PCOLCE2: variants seen among roughly 807,000 people sequenced by gnomAD.
The protein encoded by PCOLCE2 is procollagen C-proteinase enhancer 2.
Under a neutral mutation model 47.0 loss-of-function variants are expected in PCOLCE2, and 42 were observed. The observed-to-expected ratio is 0.89, with a 90% CI of 0.70 to 1.16. The LOEUF (loss-of-function observed/expected upper bound fraction) is 1.16. Ranked by LOEUF, PCOLCE2 falls within the 50% of genes most tolerant of loss-of-function variation. PCOLCE2 has a pLI of 0.00. For synonymous variants in PCOLCE2, 169 were observed against 191.7 expected (o/e 0.88, Z 0.98); for missense variants, 500 against 526.1 (o/e 0.95, Z 0.49).
At chr3:142,885,057 T>A (rs1933693268) in intron 2 of PCOLCE2, among the ~76,000 whole-genome samples, 1 of 152,214 alleles carries the variant, frequency 6.6e-6, no homozygotes, top group Admixed American at 6.5e-5. Flanking sequence ...AGGACACATC[T>A]AAATTTCCAA....
rs373518347 is a variant in PCOLCE2, at chr3:142,859,627, G to A, written c.193-11155C>T. Among the ~76,000 whole-genome samples, 11 of 151,406 alleles carry A rather than the reference G, an allele frequency of 7.3e-5. 1 individual carries two copies. The East Asian group carries it at 1.4e-3, about 19-fold the overall frequency. ...AGGCTGGAGTGTGGAGTACAGTGGC[G>A]TGATATCGGCTCACTGCAACCTCTG... On this transcript the variant is annotated intron_variant, in intron 2 of 8. Coordinates refer to ENST00000295992, the MANE Select transcript of PCOLCE2 (RefSeq NM_013363.4).
At chr3:142,864,114 G>A (rs1418608728) in intron 2 of PCOLCE2, 1 of 152,218 alleles carries the variant, frequency 6.6e-6, no homozygotes, top group Non-Finnish European at 1.5e-5. Flanking sequence ...TGGCTTGAAA[G>A]TTATAGCAGG....
intron 7 of PCOLCE2, among the ~76,000 whole-genome samples, chr3:142,821,573 T>A (rs1272899956): frequency 6.6e-6 from 1 of 152,182 alleles, no homozygotes; most frequent in Non-Finnish European, 1.5e-5. Context: ...CCCTGGGTCC[T>A]CACCTCTGTC....
At chr3:142,851,546 A>G (rs1932943997) in intron 2 of PCOLCE2, among the ~76,000 whole-genome samples, 1 of 152,218 alleles carries the variant, frequency 6.6e-6, no homozygotes, top group Non-Finnish European at 1.5e-5. Context: ...TGAGGACAGT[A>G]ACAACCAAGA....
At chr3:142,838,673 C>T (rs1427152991) in intron 5 of PCOLCE2, 97 bp downstream of exon 5, 2 of 1,102,386 alleles carry the variant, frequency 1.8e-6, no homozygotes, top group African/African-American at 1.6e-5. Flanking sequence ...ACAACAACAA[C>T]ATAAAATCTT....
At chr3:142,872,295 C>T (rs1933406761) in intron 2 of PCOLCE2, among the ~76,000 whole-genome samples, 1 of 152,236 alleles carries the variant, frequency 6.6e-6, no homozygotes, top group Non-Finnish European at 1.5e-5. Flanking sequence ...AAATAACCCC[C>T]CTTGAATCAC....
intron 7 of PCOLCE2, among the ~76,000 whole-genome samples, chr3:142,821,779 C>T (rs900782989): frequency 6.6e-6 from 1 of 151,600 alleles, no homozygotes; most frequent in African/African-American, 2.4e-5. Flanking sequence ...TCATGACACT[C>T]CGAGAAAAGA....
intron 3 of PCOLCE2, among the ~76,000 whole-genome samples, chr3:142,844,065 T>TTTA (rs1182498363): frequency 1.3e-5 from 2 of 152,136 alleles, no homozygotes; most frequent in Admixed American, 1.3e-4. Flanking sequence ...CTTCATTGTT[T>TTTA]TTATTATTAT....
At position 142,862,152 on chromosome 3, in the gene PCOLCE2, G is replaced by A. The variant is rs540166426; in HGVS notation, c.193-13680C>T. Among the ~76,000 whole-genome samples, 5 of 152,294 alleles carry A rather than the reference G, an allele frequency of 3.3e-5. No homozygotes were observed. In the South Asian group the frequency reaches 1.0e-3, roughly 32 times the overall value. The stretch of plus-strand genomic sequence containing the variant: ...AAGGTGGGGAGGTAGAAGAGAGACA[G>A]CACCCTTGCTGCTGGAGGTGGAGGA... On this transcript the variant is annotated intron_variant, in intron 2 of 8. Transcript: ENST00000295992.
At chr3:142,860,229 T>C (rs1043327734) in intron 2 of PCOLCE2, among the ~76,000 whole-genome samples, 19 of 152,208 alleles carry the variant, frequency 1.2e-4, no homozygotes, top group Admixed American at 1.0e-3. Flanking sequence ...ATATATTATA[T>C]GCTTATGCTG....
rs142936445 is a variant in PCOLCE2, at chr3:142,863,000, G to A, written c.193-14528C>T. On this transcript the variant is annotated intron_variant, in intron 2 of 8. Transcript: ENST00000295992. Reference sequence around the variant, plus strand: ...AATCAAGGAGTTGGGCATTTTAGATGATTACAGAATATACCCCAAGAAAAG... The same window carrying A: ...AATCAAGGAGTTGGGCATTTTAGATAATTACAGAATATACCCCAAGAAAAG... Among the ~76,000 whole-genome samples, 29 of 145,868 alleles carry A rather than the reference G, an allele frequency of 2.0e-4. No homozygotes were observed. The East Asian group carries it at 6.2e-3, about 31-fold the overall frequency.
chr3:142,832,284 C>G (rs1937159668), intron 5 of PCOLCE2, among the ~76,000 whole-genome samples: 1 of 152,292 alleles, frequency 6.6e-6, no homozygotes, highest in South Asian at 2.1e-4. Flanking sequence ...CTCACCTTCT[C>G]TAGGACGGGG....
chr3:142,878,493 C>T (rs1036226892), intron 2 of PCOLCE2, among the ~76,000 whole-genome samples: 9 of 152,084 alleles, frequency 5.9e-5, no homozygotes, highest in African/African-American at 2.2e-4. Context: ...TTACAGTTTT[C>T]GTAAGATTGA....
Position 142,888,833 on chromosome 3 carries a change from G to T in PCOLCE2, c.64C>A (p.Arg22=), listed in dbSNP as rs1319116703. 8 of 1,543,694 alleles carry T rather than the reference G, an allele frequency of 5.2e-6. No individual in the cohort carries two copies. The highest frequency in any genetic ancestry group is 8.7e-7 in the Non-Finnish European group (1 of 1,147,812). ...CGTTACCTCTCTGGGGACTGCTGCC[G>T]CGAGAGCTGGGTGGCGGCAGCCAGC... ...LLLAAATQLS[R]QQSPERPVFT... Residue 22 remains arginine, a synonymous_variant, in exon 1 of 9, where the codon CGG becomes AGG. Transcript: ENST00000295992.
intron 7 of PCOLCE2, among the ~76,000 whole-genome samples, chr3:142,822,678 G>A (rs940959246): frequency 2.0e-5 from 3 of 152,148 alleles, no homozygotes; most frequent in African/African-American, 7.2e-5. Flanking sequence ...TCACATTTAT[G>A]CCAGTTATTT....
intron 2 of PCOLCE2, among the ~76,000 whole-genome samples, chr3:142,870,706 AT>A (rs200280430): frequency 0.011 from 1,492 of 135,344 alleles, 10 homozygotes; most frequent in Admixed American, 0.029. Flanking sequence ...GAATGAGGCA[AT>A]TTTTTTTTTT....
chr3:142,828,612 G>A (rs1332538867), intron 6 of PCOLCE2, among the ~76,000 whole-genome samples: 1 of 152,204 alleles, frequency 6.6e-6, no homozygotes, highest in African/African-American at 2.4e-5. Context: ...AGGTGGAGAA[G>A]TAGGTCTGAG....
chr3:142,825,930 T>C (rs1937071348), intron 6 of PCOLCE2, among the ~76,000 whole-genome samples: 1 of 152,034 alleles, frequency 6.6e-6, no homozygotes, highest in Admixed American at 6.5e-5. Context: ...TTTCTACAGC[T>C]GTTTTTCAAA....
intron 2 of PCOLCE2, among the ~76,000 whole-genome samples, chr3:142,848,860 A>T (rs1397411005): frequency 6.6e-6 from 1 of 152,200 alleles, no homozygotes; most frequent in African/African-American, 2.4e-5. Context: ...ACATTTAAAA[A>T]TATCATTTCT....
Sources: gnomAD v4.1 joint callset for allele counts (sites outside exome capture counted in the v4.1 genomes callset) on GRCh38, gnomAD v4.1.1 for gene constraint, MANE v1.5 for transcripts, NCBI Gene and HGNC (gene_info 2026-07-23, HGNC 2026-07-21) for gene names.